PTPRD: variants seen among roughly 807,000 people sequenced by gnomAD.
The protein encoded by PTPRD is protein tyrosine phosphatase receptor type D.
Under a neutral mutation model 214.5 loss-of-function variants are expected in PTPRD, and 34 were observed. The ratio of observed to expected loss-of-function variants is 0.16; its 90% CI spans 0.12 to 0.21. The LOEUF (loss-of-function observed/expected upper bound fraction) is 0.21. Among genes scored for constraint, PTPRD ranks in the 10% least tolerant of loss-of-function variants. The pLI is 1.00. For missense variants in PTPRD, 2,545 were observed against 2,398.7 expected, an observed-to-expected ratio of 1.06 and a Z score of -1.27; for synonymous variants, 1,128 against 845.7, an observed-to-expected ratio of 1.33 and a Z score of -5.79.
intron 11 of PTPRD, among the ~76,000 whole-genome samples, chr9:8,907,962 G>A (rs2098720381): frequency 6.6e-6 from 1 of 152,144 alleles, no homozygotes; most frequent in East Asian, 1.9e-4. Context: ...GTACCCACAA[G>A]TAGAACAAGC....
intron 5 of PTPRD, among the ~76,000 whole-genome samples, chr9:9,833,832 GA>G: frequency 6.6e-6 from 1 of 152,150 alleles, no homozygotes; most frequent in East Asian, 1.9e-4. Context: ...CCGGTGGTCA[GA>G]GCTTAAGGTT....
At chr9:10,143,394 AC>A (rs1338976353) in intron 3 of PTPRD, among the ~76,000 whole-genome samples, 19 of 152,270 alleles carry the variant, frequency 1.2e-4, no homozygotes, top group African/African-American at 4.3e-4. Context: ...CTTTTGTTAA[AC>A]AGTCAGAAAT....
rs79790015 is a variant in PTPRD, at chr9:10,582,276, C to T, written c.-600+30122G>A. Among the ~76,000 whole-genome samples the T allele has an allele frequency of 3.4e-3, 520 of 152,220 alleles. 5 individuals carry two copies. The highest frequency in any genetic ancestry group is 0.012 in the African/African-American group (488 of 41,552). On this transcript the variant is annotated intron_variant, in intron 2 of 45. Transcript: ENST00000381196. ...AATAAAGATTGATTTCTATACCGGACCTTGTTTTTTCATACCTCTGTCCTC... is the reference window on the plus strand; with the variant it reads ...AATAAAGATTGATTTCTATACCGGATCTTGTTTTTTCATACCTCTGTCCTC...
At chr9:10,231,671 G>C (rs2099610407) in intron 3 of PTPRD, among the ~76,000 whole-genome samples, 2 of 151,926 alleles carry the variant, frequency 1.3e-5, no homozygotes, top group South Asian at 2.1e-4. Flanking sequence ...ATAAATGCTT[G>C]TTGAATGAGT....
intron 7 of PTPRD, among the ~76,000 whole-genome samples, chr9:9,606,190 G>A (rs967431803): frequency 3.3e-5 from 5 of 151,906 alleles, no homozygotes; most frequent in Admixed American, 6.6e-5. Context: ...CATTACACTC[G>A]GTCAAACTTA....
intron 4 of PTPRD, among the ~76,000 whole-genome samples, chr9:10,002,608 T>A (rs1320473147): frequency 6.6e-6 from 1 of 150,508 alleles, no homozygotes; most frequent in Non-Finnish European, 1.5e-5. Context: ...TATTTTGTAA[T>A]AATAAAATGG....
intron 21 of PTPRD, among the ~76,000 whole-genome samples, chr9:8,514,688 G>A (rs1351048588): frequency 6.6e-6 from 1 of 151,856 alleles, no homozygotes; most frequent in African/African-American, 2.4e-5. Context: ...TTTCATTATT[G>A]AATACCTACA....
At chr9:8,672,137 T>A (rs531647787) in intron 12 of PTPRD, among the ~76,000 whole-genome samples, 1 of 152,202 alleles carries the variant, frequency 6.6e-6, no homozygotes, top group Non-Finnish European at 1.5e-5. Context: ...TCATGACAAT[T>A]TGAAGTCAAT....
chr9:8,611,215 G>C (rs1402293788), intron 14 of PTPRD, among the ~76,000 whole-genome samples: 3 of 152,140 alleles, frequency 2.0e-5, no homozygotes, highest in Non-Finnish European at 4.4e-5. Context: ...TTGTTCATTT[G>C]TTAAACAAGA....
intron 8 of PTPRD, among the ~76,000 whole-genome samples, chr9:9,527,245 G>C (rs1428976502): frequency 1.3e-5 from 2 of 152,154 alleles, no homozygotes; most frequent in African/African-American, 4.8e-5. Context: ...CACTATGGTA[G>C]TATCACCTAT....
rs2097547539 is a variant in PTPRD at position 10,052,208 on chromosome 9, A to C, written c.-544-18418T>G. 2.0e-5 allele frequency among the ~76,000 whole-genome samples: 3 copies of C among 152,278 alleles called. No individual in the cohort carries two copies. In the South Asian group the frequency reaches 6.2e-4, roughly 32 times the overall value. Reference sequence around the variant, plus strand: ...TGTAATCTGATCTTCATATAGCACCATCATATGCCTCAAGGGCTGCTTCAC... The same window carrying C: ...TGTAATCTGATCTTCATATAGCACCCTCATATGCCTCAAGGGCTGCTTCAC... On this transcript the variant is annotated intron_variant, in intron 3 of 45. Coordinates refer to ENST00000381196, the MANE Select transcript of PTPRD (RefSeq NM_002839.4).
intron 6 of PTPRD, among the ~76,000 whole-genome samples, chr9:9,754,285 C>T (rs897154423): frequency 2.6e-5 from 4 of 152,148 alleles, no homozygotes; most frequent in East Asian, 1.9e-4. Context: ...AATTCTTACA[C>T]GCCCCGTAAT....
At chr9:9,294,117 T>G (rs563730172) in intron 9 of PTPRD, among the ~76,000 whole-genome samples, 3 of 151,630 alleles carry the variant, frequency 2.0e-5, no homozygotes, top group Admixed American at 6.6e-5. Flanking sequence ...ATTTGCCTTA[T>G]ATATGGAGGA....
Position 9,348,815 on chromosome 9 carries a change from C to T in PTPRD, c.-203+48634G>A, listed in dbSNP as rs566209916. On this transcript the variant is annotated intron_variant, in intron 9 of 45. Coordinates refer to ENST00000381196, the MANE Select transcript of PTPRD (RefSeq NM_002839.4). ...GGATTATAACAGCTCTGAAGACCTC[C>T]ACTTGTCCTAATTAGGGTGCTCTCT... 2.0e-5 allele frequency among the ~76,000 whole-genome samples: 3 copies of T among 152,232 alleles called. No homozygotes were observed. The South Asian group carries it at 6.2e-4, about 32-fold the overall frequency.
At chr9:10,450,313 CTG>C (rs1451955661) in intron 2 of PTPRD, among the ~76,000 whole-genome samples, 1 of 151,536 alleles carries the variant, frequency 6.6e-6, no homozygotes, top group Non-Finnish European at 1.5e-5. Context: ...ATGCACATAA[CTG>C]TATATAAAAA....
chr9:8,674,723 C>A (rs765335581), intron 12 of PTPRD, among the ~76,000 whole-genome samples: 34 of 152,210 alleles, frequency 2.2e-4, no homozygotes, highest in Non-Finnish European at 3.2e-4. Context: ...CTCCCCTGGG[C>A]TAGATTATGA....
chr9:10,173,445 A>T (rs568408254), intron 3 of PTPRD, among the ~76,000 whole-genome samples: 1 of 152,256 alleles, frequency 6.6e-6, no homozygotes, highest in South Asian at 2.1e-4. Context: ...GAATTCCCCC[A>T]TAGATTATCA....
At chr9:10,538,058 T>C (rs995304407) in intron 2 of PTPRD, among the ~76,000 whole-genome samples, 1 of 151,942 alleles carries the variant, frequency 6.6e-6, no homozygotes, top group African/African-American at 2.4e-5. Flanking sequence ...TGAATCTGAG[T>C]TTAGGCTTGT....
chr9:10,598,755 A>T (rs1349865616), intron 2 of PTPRD, among the ~76,000 whole-genome samples: 1 of 148,062 alleles, frequency 6.8e-6, no homozygotes, highest in East Asian at 2.0e-4. Flanking sequence ...CAGAGAGGTA[A>T]ATAGGTAGAA....
Sources: allele counts gnomAD v4.1 joint callset (sites outside exome capture counted in the v4.1 genomes callset), GRCh38; gene constraint gnomAD v4.1.1; transcripts MANE v1.5; gene names NCBI Gene and HGNC (gene_info 2026-07-23, HGNC 2026-07-21).